C1GALT1: variants seen among roughly 807,000 people sequenced by gnomAD.
The protein encoded by C1GALT1 is core 1 synthase, glycoprotein-N-acetylgalactosamine 3-beta-galactosyltransferase 1.
Under a neutral mutation model 31.0 loss-of-function variants are expected in C1GALT1, and 11 were observed. That is an observed-to-expected ratio of 0.36 (90% confidence interval 0.22 to 0.59). C1GALT1 has a LOEUF of 0.59. Ranked by LOEUF, C1GALT1 falls within the 20% of genes least tolerant of loss-of-function variation. The pLI is 0.79. For missense variants in C1GALT1, 424 were observed against 425.2 expected (o/e 1.00, Z 0.03); for synonymous variants, 175 against 143.6 (o/e 1.22, Z -1.56).
intron 2 of C1GALT1, among the ~76,000 whole-genome samples, chr7:7,171,822 T>C (rs1045265161): frequency 2.6e-5 from 4 of 152,178 alleles, no homozygotes; most frequent in East Asian, 1.9e-4. Flanking sequence ...ATATTTTGCA[T>C]TGATACCAAC....
intron 2 of C1GALT1, among the ~76,000 whole-genome samples, chr7:7,158,680 T>C (rs1583724969): frequency 6.6e-6 from 1 of 151,592 alleles, no homozygotes; most frequent in Non-Finnish European, 1.5e-5. Context: ...TATACATATA[T>C]ATTTCATCTA....
chr7:7,238,170 A>T lies in C1GALT1; in HGVS notation c.221-85A>T. The T allele has an allele frequency of 7.8e-7, 1 of 1,284,506 alleles. No individual in the cohort carries two copies. 79.6% of individuals were successfully genotyped at this position (1,284,506 alleles called of 1,614,324 possible). ...AGGGATAAATAGGGACTTTGAAATT[A>T]GGACAGTGCTTTCTTCAGTATAATT... On this transcript the variant is annotated intron_variant, in intron 2 of 3. Transcript: ENST00000436587. This position sits in a 1 kb window ranked among gnomAD's most constrained non-coding sequence, Gnocchi z 5.2.
intron 1 of C1GALT1, among the ~76,000 whole-genome samples, chr7:7,196,049 TG>T (rs567609223): frequency 1.8e-3 from 270 of 152,180 alleles, no homozygotes; most frequent in African/African-American, 6.3e-3. Flanking sequence ...TTGTTGTTGT[TG>T]TTTTTGTAAT....
intron 1 of C1GALT1, among the ~76,000 whole-genome samples, chr7:7,208,794 C>G (rs1781866742): frequency 6.6e-6 from 1 of 152,192 alleles, no homozygotes; most frequent in African/African-American, 2.4e-5. Flanking sequence ...ATAAGCTGCT[C>G]CACAAACACG....
At chr7:7,209,169 T>C (rs564198818) in intron 1 of C1GALT1, among the ~76,000 whole-genome samples, 35 of 152,332 alleles carry the variant, frequency 2.3e-4, no homozygotes, top group African/African-American at 7.9e-4. Flanking sequence ...AGCCTATACA[T>C]TTATAGTTTT....
intron 1 of C1GALT1, among the ~76,000 whole-genome samples, chr7:7,219,800 T>TCTATA (rs1461025949): frequency 2.7e-4 from 41 of 152,174 alleles, no homozygotes; most frequent in Non-Finnish European, 5.7e-4. Context: ...CACATAATTG[T>TCTATA]AATAACATTG....
chr7:7,213,744 A>G (rs1350613643), intron 1 of C1GALT1, among the ~76,000 whole-genome samples: 3 of 152,212 alleles, frequency 2.0e-5, no homozygotes, highest in East Asian at 3.8e-4. Flanking sequence ...GGATTATTTC[A>G]TCTAATTTTA....
At chr7:7,187,988 T>G (rs1002261943) in intron 1 of C1GALT1, among the ~76,000 whole-genome samples, 6 of 146,310 alleles carry the variant, frequency 4.1e-5, no homozygotes, top group African/African-American at 1.5e-4. Flanking sequence ...GCTTTTCATT[T>G]TAGAGAGCTC....
chr7:7,211,545 A>G (rs538420911), intron 1 of C1GALT1, among the ~76,000 whole-genome samples: 1 of 152,332 alleles, frequency 6.6e-6, no homozygotes, highest in East Asian at 1.9e-4. Context: ...TTTCAGTTAG[A>G]AGGTGCTACC....
intron 2 of C1GALT1, among the ~76,000 whole-genome samples, chr7:7,170,963 G>A (rs1366287144): frequency 1.3e-5 from 2 of 151,994 alleles, no homozygotes; most frequent in African/African-American, 4.8e-5. Flanking sequence ...CATTCTACTT[G>A]GTCAGAAAAG....
intron 2 of C1GALT1, among the ~76,000 whole-genome samples, chr7:7,176,305 C>T (rs576433117): frequency 6.6e-6 from 1 of 152,096 alleles, no homozygotes; most frequent in Non-Finnish European, 1.5e-5. Context: ...AAAAATGCCA[C>T]ATTATGCAGC....
intron 2 of C1GALT1, among the ~76,000 whole-genome samples, chr7:7,177,106 C>T (rs1780512614): frequency 6.6e-6 from 1 of 152,216 alleles, no homozygotes; most frequent in Non-Finnish European, 1.5e-5. Flanking sequence ...TTTGGGCTCA[C>T]AGCTGAATAG....
intron 1 of C1GALT1, among the ~76,000 whole-genome samples, chr7:7,192,818 T>TATTTTTTG (rs1033173048): frequency 1.3e-5 from 2 of 152,132 alleles, no homozygotes; most frequent in Non-Finnish European, 2.9e-5. Context: ...CAACATCTAT[T>TATTTTTTG]ATTTTTTGAT....
At chr7:7,226,812 G>A (rs1239117922) in intron 1 of C1GALT1, among the ~76,000 whole-genome samples, 2 of 152,140 alleles carry the variant, frequency 1.3e-5, no homozygotes, top group African/African-American at 4.8e-5. Context: ...TGTAGATCCA[G>A]GATTAAGCAG....
chr7:7,163,325 A>G (rs1373765063), intron 2 of C1GALT1, among the ~76,000 whole-genome samples: 1 of 152,068 alleles, frequency 6.6e-6, no homozygotes, highest in Non-Finnish European at 1.5e-5. Flanking sequence ...TCAAAATAAT[A>G]AGAGCTATCT....
intron 1 of C1GALT1, among the ~76,000 whole-genome samples, chr7:7,215,495 CA>C (rs1282370843): frequency 6.6e-6 from 1 of 152,020 alleles, no homozygotes; most frequent in African/African-American, 2.4e-5. Context: ...AACTTTAAGC[CA>C]AGCATTTTAA....
chr7:7,192,073 A>G (rs6977700), intron 1 of C1GALT1, among the ~76,000 whole-genome samples: 5,012 of 151,940 alleles, frequency 0.033, 185 homozygotes, highest in African/African-American at 0.091. Flanking sequence ...CTTTTGTTCA[A>G]TGTTCTAAGA....
chr7:7,221,773 C>T (rs1782519678), intron 1 of C1GALT1, among the ~76,000 whole-genome samples: 1 of 152,218 alleles, frequency 6.6e-6, no homozygotes, highest in African/African-American at 2.4e-5. Flanking sequence ...TGTTTCCTTC[C>T]TGCTGTCAGA....
At chr7:7,167,927 C>T (rs1366799255) in intron 2 of C1GALT1, among the ~76,000 whole-genome samples, 1 of 152,150 alleles carries the variant, frequency 6.6e-6, no homozygotes, top group East Asian at 1.9e-4. Context: ...AGAATCTTAC[C>T]TTCTACTCCA....
Sources: allele counts gnomAD v4.1 joint callset (sites outside exome capture counted in the v4.1 genomes callset), GRCh38; gene constraint gnomAD v4.1.1; non-coding constraint Gnocchi (gnomAD v3.1); transcripts MANE v1.5; gene names NCBI Gene and HGNC (gene_info 2026-07-23, HGNC 2026-07-21).